Variants in SV2C observed in about 807,000 individuals in gnomAD.
SV2C encodes the protein synaptic vesicle glycoprotein 2C, also known as solute carrier family 22 member B3.
In SV2C, 49 loss-of-function variants were observed where a neutral mutation model predicts 79.7. The observed-to-expected ratio is 0.61, with a 90% CI of 0.49 to 0.78. The LOEUF (loss-of-function observed/expected upper bound fraction) is 0.78. Ranked by LOEUF, SV2C falls within the 30% of genes least tolerant of loss-of-function variation. SV2C has a pLI of 0.00. For missense variants in SV2C, 833 were observed against 912.9 expected (o/e 0.91, Z 1.13); for synonymous variants, 334 against 333.2 (o/e 1.00, Z -0.03).
chr5:75,978,172 A>G, the SV2C span, among the ~76,000 whole-genome samples: 1 of 152,110 alleles, frequency 6.6e-6, no homozygotes, highest in Non-Finnish European at 1.5e-5. Context: ...TCCTGTTCTT[A>G]TTCCATCTAT....
chr5:75,907,805 T>C, the SV2C span, among the ~76,000 whole-genome samples: 1 of 152,208 alleles, frequency 6.6e-6, no homozygotes, highest in Non-Finnish European at 1.5e-5. Context: ...GAAACCAAAA[T>C]ACCTAAATTG....
At chr5:76,306,923 TG>T (rs1179619333) in intron 12 of SV2C, among the ~76,000 whole-genome samples, 1 of 152,188 alleles carries the variant, frequency 6.6e-6, no homozygotes, top group Admixed American at 6.5e-5. Flanking sequence ...CTGGGGCAAG[TG>T]AGGGGTTACT....
At chr5:76,119,542 TAAAG>T (rs1369580084) in intron 1 of SV2C, among the ~76,000 whole-genome samples, 1 of 151,710 alleles carries the variant, frequency 6.6e-6, no homozygotes, top group African/African-American at 2.4e-5. Context: ...CTGCCCTGCA[TAAAG>T]AGAGGTAGGA....
chr5:76,186,270 C>T (rs1743912692), intron 2 of SV2C, among the ~76,000 whole-genome samples: 1 of 152,186 alleles, frequency 6.6e-6, no homozygotes, highest in African/African-American at 2.4e-5. Flanking sequence ...GGCTGGTACC[C>T]AGTTCCAAAG....
At chr5:76,132,971 T>C (rs1748951789) in intron 2 of SV2C, among the ~76,000 whole-genome samples, 1 of 151,708 alleles carries the variant, frequency 6.6e-6, no homozygotes, top group African/African-American at 2.4e-5. Context: ...ATTTTAAATA[T>C]ATAAATATTT....
intron 12 of SV2C, among the ~76,000 whole-genome samples, chr5:76,352,483 G>C (rs544003717): frequency 1.2e-3 from 177 of 152,276 alleles, no homozygotes; most frequent in Middle Eastern, 0.01. Flanking sequence ...TGCAAGAGTA[G>C]GTTTGTCATA....
chr5:76,078,889 C>A, upstream of SV2C: 1 of 565,680 alleles, frequency 1.8e-6, no homozygotes, highest in Non-Finnish European at 3.5e-6. Context: ...GCTGGACCTT[C>A]AGAGTTACAA....
chr5:75,872,221 G>GA, the SV2C span, among the ~76,000 whole-genome samples: 1 of 150,534 alleles, frequency 6.6e-6, no homozygotes, highest in Non-Finnish European at 1.5e-5. Context: ...GCCAATATGA[G>GA]AAAAATTGCT....
At chr5:76,279,543 T>C (rs1747119914) in intron 4 of SV2C, among the ~76,000 whole-genome samples, 1 of 152,252 alleles carries the variant, frequency 6.6e-6, no homozygotes, top group Non-Finnish European at 1.5e-5. Context: ...TGGACAGCTA[T>C]ACAGAATGAT....
At chr5:76,172,405 C>T (rs1298947548) in intron 2 of SV2C, among the ~76,000 whole-genome samples, 6 of 59,274 alleles carry the variant, frequency 1.0e-4, no homozygotes, top group African/African-American at 4.0e-4. Context: ...CCAGCCGCCC[C>T]GTCCGGGAGG....
chr5:76,349,246 T>C (rs1041853669), intron 12 of SV2C, among the ~76,000 whole-genome samples: 6 of 152,164 alleles, frequency 3.9e-5, no homozygotes, highest in Non-Finnish European at 7.3e-5. Context: ...GCACGGTGGC[T>C]CACGCCTGTA....
intron 1 of SV2C, among the ~76,000 whole-genome samples, chr5:76,121,012 C>T (rs1748474467): frequency 6.6e-6 from 1 of 150,656 alleles, no homozygotes; most frequent in South Asian, 2.1e-4. Context: ...TATTTCTCCA[C>T]ATCCTCTCCA....
the SV2C span, among the ~76,000 whole-genome samples, chr5:76,014,169 GAAGA>G: frequency 0.19 from 26,517 of 139,976 alleles, 2,775 homozygotes; most frequent in East Asian, 0.43. Context: ...AGGAAGGAAG[GAAGA>G]AAGAAAGAAA....
chr5:75,897,303 A>G, the SV2C span, among the ~76,000 whole-genome samples: 1,330 of 150,212 alleles, frequency 8.9e-3, 15 homozygotes, highest in Middle Eastern at 0.031. Context: ...CTGTTTTCCC[A>G]GCACCATTTA....
At chr5:76,086,311 GTTATCTC>G (rs1489680895) in intron 1 of SV2C, among the ~76,000 whole-genome samples, 3 of 152,178 alleles carry the variant, frequency 2.0e-5, no homozygotes, top group Non-Finnish European at 4.4e-5. Flanking sequence ...AATTAGGAGT[GTTATCTC>G]TTATTCTTAA....
intron 2 of SV2C, among the ~76,000 whole-genome samples, chr5:76,184,601 G>A (rs1390377440): frequency 6.6e-6 from 1 of 152,168 alleles, no homozygotes; most frequent in Non-Finnish European, 1.5e-5. Flanking sequence ...TTCATAGGGC[G>A]GCAGGAGAGA....
chr5:76,153,629 A>G (rs1742631214), intron 2 of SV2C, among the ~76,000 whole-genome samples: 1 of 152,194 alleles, frequency 6.6e-6, no homozygotes. Flanking sequence ...ATTTTTACAG[A>G]TGCTATACCA....
the SV2C span, among the ~76,000 whole-genome samples, chr5:76,048,965 G>GAGAAAAAGAA: frequency 4.5e-4 from 26 of 58,164 alleles, no homozygotes; most frequent in Non-Finnish European, 7.5e-4. Flanking sequence ...GAAAGAAAAA[G>GAGAAAAAGAA]AGAAAGAAAG....
rs1210677623 is a variant in SV2C at position 76,332,224 on chromosome 5, C to T, written c.*6677C>T. The T allele has an allele frequency of 6.6e-6, 1 of 152,184 alleles. No individual in the cohort carries two copies. The highest frequency in any genetic ancestry group is 1.5e-5 in the Non-Finnish European group (1 of 68,042). 9.4% of individuals were successfully genotyped at this position (152,184 alleles called of 1,614,324 possible). On this transcript the variant is annotated 3_prime_UTR_variant, in exon 13 of 13. Transcript: ENST00000502798. Reference sequence around the variant, plus strand: ...AGGACTAGGAGCAGAAAGCAGTTTTCAACCCTTTGTTCAGACTCAGACGGG... The same window carrying T: ...AGGACTAGGAGCAGAAAGCAGTTTTTAACCCTTTGTTCAGACTCAGACGGG...
Sources: allele counts gnomAD v4.1 joint callset (sites outside exome capture counted in the v4.1 genomes callset), GRCh38; gene constraint gnomAD v4.1.1; transcripts MANE v1.5; gene names NCBI Gene and HGNC (gene_info 2026-07-23, HGNC 2026-07-21).